Variants in FAM184A observed in about 807,000 individuals in gnomAD.
FAM184A encodes the protein protein FAM184A.
A neutral mutation model predicts 143.8 loss-of-function variants in FAM184A; 99 were observed. That is an observed-to-expected ratio of 0.69 (90% confidence interval 0.58 to 0.81). FAM184A has a LOEUF of 0.81. FAM184A is among the 40% of genes least tolerant of loss of function. The probability of loss-of-function intolerance (pLI) is 0.00; values close to 1 mark genes in which losing one functional copy is unlikely to be tolerated. For synonymous variants in FAM184A, 427 were observed against 446.4 expected (o/e 0.96, Z 0.55); for missense variants, 1,217 against 1,310.5 (o/e 0.93, Z 1.10).
chr6:119,034,041 T>TATATATAGAG (rs1409214932), intron 1 of FAM184A, among the ~76,000 whole-genome samples: 7 of 42,004 alleles, frequency 1.7e-4, no homozygotes, highest in African/African-American at 6.4e-4. Flanking sequence ...TATATATATA[T>TATATATAGAG]AGAGAGAGAG....
intron 1 of FAM184A, among the ~76,000 whole-genome samples, chr6:119,062,900 T>C (rs924723050): frequency 5.3e-5 from 8 of 152,198 alleles, no homozygotes; most frequent in African/African-American, 1.4e-4. Context: ...AGAGTACATA[T>C]AGGAATAAAA....
At position 119,078,102 on chromosome 6, in the gene FAM184A, GC is replaced by G; in HGVS notation, c.159+38del. ...GAGACAGGTGAGTCCGGCGCGGCCCGCACGGGGTCGCCACCTGCCCCGTCGC... is the reference window on the plus strand; with the variant it reads ...GAGACAGGTGAGTCCGGCGCGGCCCGACGGGGTCGCCACCTGCCCCGTCGC... On this transcript the variant is annotated intron_variant, in intron 1 of 17. Coordinates refer to ENST00000338891, the MANE Select transcript of FAM184A (RefSeq NM_024581.6). This position sits in a 1 kb window ranked among gnomAD's most constrained non-coding sequence, Gnocchi z 5.5. 1 of 1,548,994 alleles carries G rather than the reference GC, an allele frequency of 6.5e-7. No individual in the cohort carries two copies. The highest frequency in any genetic ancestry group is 8.7e-7 in the Non-Finnish European group (1 of 1,151,868).
At chr6:119,045,291 ATTT>A (rs3058653) in intron 1 of FAM184A, among the ~76,000 whole-genome samples, 1 of 143,254 alleles carries the variant, frequency 7.0e-6, no homozygotes, top group Non-Finnish European at 1.5e-5. Flanking sequence ...CAGTTTCTCA[ATTT>A]TTTTTTTTTT....
rs377667462 is a variant in FAM184A, at chr6:118,994,759, A to G, written c.2088+8140T>C. On this transcript the variant is annotated intron_variant, in intron 9 of 17. Transcript: ENST00000338891. Reference sequence around the variant, plus strand: ...TAAAAAGCCAGAGGGTTATCATCACACAAAGCCTTTGAAGCCACACTGAAT... The same window carrying G: ...TAAAAAGCCAGAGGGTTATCATCACGCAAAGCCTTTGAAGCCACACTGAAT... 1.1e-4 allele frequency among the ~76,000 whole-genome samples: 16 copies of G among 152,142 alleles called. 1 individual carries two copies. In the East Asian group the frequency reaches 1.7e-3, roughly 17 times the overall value.
chr6:119,008,606 T>C (rs1784998775), intron 6 of FAM184A, among the ~76,000 whole-genome samples: 2 of 152,198 alleles, frequency 1.3e-5, no homozygotes, highest in African/African-American at 2.4e-5. Context: ...TTAGGCTAGT[T>C]TGAGGTAGGA....
chr6:119,107,832 CAAGTTTCAAAGCCA>C, intron 1 of FAM184A, among the ~76,000 whole-genome samples: 1 of 151,006 alleles, frequency 6.6e-6, no homozygotes, highest in Non-Finnish European at 1.5e-5. Context: ...CATTGGTCCT[CAAGTTTCAAAGCCA>C]GAGTTATTGT....
intron 14 of FAM184A, among the ~76,000 whole-genome samples, chr6:118,967,391 C>A (rs868224542): frequency 6.6e-6 from 1 of 152,052 alleles, no homozygotes; most frequent in Non-Finnish European, 1.5e-5. Flanking sequence ...ATAAAAAGGA[C>A]AAGAAACAAA....
At chr6:119,102,004 C>T (rs959468135) in intron 1 of FAM184A, among the ~76,000 whole-genome samples, 10 of 151,546 alleles carry the variant, frequency 6.6e-5, no homozygotes, top group African/African-American at 1.9e-4. Context: ...TGCAGTGAGC[C>T]GAGATCATAC....
chr6:119,025,153 C>T (rs1344773701), intron 1 of FAM184A, among the ~76,000 whole-genome samples: 7 of 152,054 alleles, frequency 4.6e-5, no homozygotes, highest in Admixed American at 4.6e-4. Context: ...CTCATATGTC[C>T]CAATCTAGCT....
chr6:119,123,972 C>T lies in FAM184A; in HGVS notation c.-202+25106G>A, dbSNP rs1789292918. On this transcript the variant is annotated intron_variant, in intron 1 of 16. Coordinates refer to the FAM184A transcript ENST00000352896. ...TCTTCAGACACAAACATTTACAAAG[C>T]ACACTCCAAGATACAACTTTGCACA... is the stretch of plus-strand genomic sequence containing the variant. 2.6e-5 allele frequency among the ~76,000 whole-genome samples: 4 copies of T among 152,172 alleles called. No homozygotes were observed. In the South Asian group the frequency reaches 8.3e-4, roughly 32 times the overall value.
At chr6:119,132,594 A>C (rs1017542023) in intron 1 of FAM184A, among the ~76,000 whole-genome samples, 1 of 152,222 alleles carries the variant, frequency 6.6e-6, no homozygotes, top group Non-Finnish European at 1.5e-5. Flanking sequence ...TTTTTTAAAA[A>C]ACGTACTCAT....
In FAM184A at chr6:119,078,011, G is replaced by C. The variant is rs1239573053; in HGVS notation, c.159+130C>G. The C allele has an allele frequency of 3.8e-5, 42 of 1,094,634 alleles. No homozygotes were observed. The highest frequency in any genetic ancestry group is 5.2e-5 in the Non-Finnish European group (41 of 785,698). The allele number at this position is 1,094,634 out of a possible 1,614,324, so 67.8% of individuals were successfully genotyped here. ...TTTGCAGGGTTTTGGAGGTGTCTCC[G>C]GCTGTTGCTTCGGCGGAGGAGTAGA... On this transcript the variant is annotated intron_variant, in intron 1 of 17. Coordinates refer to ENST00000338891, the MANE Select transcript of FAM184A (RefSeq NM_024581.6). The surrounding 1 kb of genome is among the most constrained non-coding windows in gnomAD (Gnocchi z 5.5).
At chr6:118,967,276 A>G (rs953141107) in intron 14 of FAM184A, among the ~76,000 whole-genome samples, 3 of 152,192 alleles carry the variant, frequency 2.0e-5, no homozygotes, top group Admixed American at 1.3e-4. Context: ...ATGTTGAATG[A>G]TACTAACCTG....
intron 9 of FAM184A, among the ~76,000 whole-genome samples, chr6:118,993,538 A>G (rs999289293): frequency 6.6e-6 from 1 of 152,240 alleles, no homozygotes; most frequent in African/African-American, 2.4e-5. Context: ...AGCCTGTCTT[A>G]TTCACATTCT....
At chr6:118,965,658 G>T (rs1456570387) in intron 15 of FAM184A, among the ~76,000 whole-genome samples, 1 of 152,124 alleles carries the variant, frequency 6.6e-6, no homozygotes, top group Non-Finnish European at 1.5e-5. Context: ...CTTGACCTAT[G>T]TGCCTCACAG....
At chr6:118,970,446 A>C (rs1783661616) in intron 14 of FAM184A, among the ~76,000 whole-genome samples, 1 of 152,192 alleles carries the variant, frequency 6.6e-6, no homozygotes, top group African/African-American at 2.4e-5. Context: ...ATATAATTAT[A>C]GCTTAGCTTT....
chr6:119,006,147 A>C (rs1784910241), intron 7 of FAM184A: 2 of 765,240 alleles, frequency 2.6e-6, no homozygotes, highest in East Asian at 4.9e-5. Context: ...TATGTTGCCG[A>C]ATGCCAAGAA....
At chr6:119,075,277 C>A (rs1352099134) in intron 1 of FAM184A, among the ~76,000 whole-genome samples, 2 of 152,194 alleles carry the variant, frequency 1.3e-5, no homozygotes, top group East Asian at 3.9e-4. Context: ...TATCACACAA[C>A]GCTGTTAAAT....
intron 1 of FAM184A, among the ~76,000 whole-genome samples, chr6:119,125,649 T>C (rs1020448800): frequency 2.0e-5 from 3 of 152,232 alleles, no homozygotes; most frequent in African/African-American, 7.2e-5. Context: ...GCATGAGTTT[T>C]CTGGCATATA....
Sources: allele counts gnomAD v4.1 joint callset (sites outside exome capture counted in the v4.1 genomes callset), GRCh38; gene constraint gnomAD v4.1.1; non-coding constraint Gnocchi (gnomAD v3.1); transcripts MANE v1.5; gene names NCBI Gene and HGNC (gene_info 2026-07-23, HGNC 2026-07-21).